Variants in TAMM41 observed in about 807,000 individuals in gnomAD.
TAMM41 encodes phosphatidate cytidylyltransferase, mitochondrial.
In TAMM41, 36 loss-of-function variants were observed where a neutral mutation model predicts 44.1. That is an observed-to-expected ratio of 0.82 (90% CI 0.63 to 1.08). The LOEUF is 1.08. TAMM41 is among the 50% of genes least tolerant of loss of function. TAMM41 has a pLI of 0.00. For missense variants in TAMM41, 417 were observed against 404.3 expected (o/e 1.03, Z -0.27); for synonymous variants, 164 against 153.1 (o/e 1.07, Z -0.53).
chr3:11,744,288 G>A, the TAMM41 span, among the ~76,000 whole-genome samples: 5 of 151,956 alleles, frequency 3.3e-5, no homozygotes, highest in African/African-American at 7.2e-5. Context: ...AGCTGGTCTC[G>A]AACTCCTGAC....
At chr3:11,815,768 G>A (rs911286778) in intron 5 of TAMM41, among the ~76,000 whole-genome samples, 1 of 151,820 alleles carries the variant, frequency 6.6e-6, no homozygotes, top group Non-Finnish European at 1.5e-5. Flanking sequence ...AAAATAAAGT[G>A]TAAGATTGAA....
chr3:11,805,847 T>C (rs2077891880), intron 7 of TAMM41, among the ~76,000 whole-genome samples: 3 of 152,262 alleles, frequency 2.0e-5, no homozygotes, highest in Non-Finnish European at 4.4e-5. Context: ...GCATTTGATA[T>C]GGTTTGGCTC....
chr3:11,763,959 A>C, the TAMM41 span, among the ~76,000 whole-genome samples: 1 of 152,136 alleles, frequency 6.6e-6, no homozygotes, highest in Non-Finnish European at 1.5e-5. Context: ...TTCGCAGGTC[A>C]CTGACTTTTA....
intron 5 of TAMM41, among the ~76,000 whole-genome samples, chr3:11,812,627 A>G (rs1182701725): frequency 2.0e-5 from 3 of 152,142 alleles, no homozygotes; most frequent in Admixed American, 1.3e-4. Context: ...CATCCCATTA[A>G]CTTTAAGTTA....
At chr3:11,826,383 G>A (rs1575680014) in intron 4 of TAMM41, among the ~76,000 whole-genome samples, 2 of 152,058 alleles carry the variant, frequency 1.3e-5, no homozygotes, top group Admixed American at 1.3e-4. Flanking sequence ...AACGAAATTA[G>A]CCAGCCGTGG....
chr3:11,751,278 G>C, the TAMM41 span, among the ~76,000 whole-genome samples: 1 of 151,984 alleles, frequency 6.6e-6, no homozygotes, highest in Non-Finnish European at 1.5e-5. Context: ...TTTCAGTAGA[G>C]ATGGGGTTTC....
chr3:11,775,979 T>G, the TAMM41 span, among the ~76,000 whole-genome samples: 1 of 151,590 alleles, frequency 6.6e-6, no homozygotes, highest in Admixed American at 6.6e-5. Context: ...GGTTGGTAAT[T>G]TTTTTAGAAA....
chr3:11,837,274 A>G (rs992508726), intron 3 of TAMM41, among the ~76,000 whole-genome samples: 1 of 152,126 alleles, frequency 6.6e-6, no homozygotes, highest in Non-Finnish European at 1.5e-5. Flanking sequence ...CCTCTTGTGG[A>G]GCCTGGGACC....
intron 2 of TAMM41, among the ~76,000 whole-genome samples, chr3:11,843,054 GC>G (rs2125068241): frequency 6.6e-6 from 1 of 152,284 alleles, no homozygotes; most frequent in Non-Finnish European, 1.5e-5. Context: ...CTCTCCAACA[GC>G]CCACTGTCAA....
chr3:11,732,167 C>A, the TAMM41 span, among the ~76,000 whole-genome samples: 1 of 152,052 alleles, frequency 6.6e-6, no homozygotes. Flanking sequence ...ACACTTGGCC[C>A]ATTAGGGCAA....
chr3:11,775,338 C>T, the TAMM41 span, among the ~76,000 whole-genome samples: 1 of 152,160 alleles, frequency 6.6e-6, no homozygotes. Flanking sequence ...GCCCTAGTCC[C>T]CCTCTTCCTG....
At chr3:11,747,235 G>C in the TAMM41 span, among the ~76,000 whole-genome samples, 1 of 151,880 alleles carries the variant, frequency 6.6e-6, no homozygotes, top group African/African-American at 2.4e-5. Context: ...GCTAATTTTT[G>C]TATTTTTAGT....
the TAMM41 span, among the ~76,000 whole-genome samples, chr3:11,761,946 CAAAAA>C: frequency 5.3e-5 from 4 of 75,030 alleles, no homozygotes; most frequent in South Asian, 1.3e-3. Flanking sequence ...GACTCTGTCT[CAAAAA>C]AAAAAAAAAA....
Position 11,829,824 on chromosome 3 carries a change from G to A in TAMM41, c.452C>T (p.Ser151Leu). ...ACTCTTCAGATTTCTATCGAGGGCT[G>A]ATCTAAGAGTGACATCCTCGTTCAC... ...ISVNEDVTLR[S>L]ALDRNLKSAV... Residue 151 changes from serine to leucine, a missense_variant, in exon 4 of 8, where the codon TCA becomes TTA. Physicochemically the swap from Ser to Leu is moderately radical, Grantham distance 145. Transcript: ENST00000455809. 6.2e-7 allele frequency: 1 copy of A among 1,614,170 alleles called. No homozygotes were observed. The highest frequency in any genetic ancestry group is 1.7e-4 in the Middle Eastern group (1 of 6,060).
chr3:11,844,889 A>C (rs1559335710), intron 1 of TAMM41: 1 of 456,550 alleles, frequency 2.2e-6, no homozygotes, highest in East Asian at 6.9e-5. Flanking sequence ...AAATGTACTA[A>C]CTGCACTCAG....
At chr3:11,747,104 C>T in the TAMM41 span, among the ~76,000 whole-genome samples, 1 of 152,070 alleles carries the variant, frequency 6.6e-6, no homozygotes, top group Admixed American at 6.6e-5. Context: ...CTTCTGTCAC[C>T]CAGGCTGGAG....
At chr3:11,817,732 T>C (rs1430470774) in intron 4 of TAMM41, among the ~76,000 whole-genome samples, 3 of 152,206 alleles carry the variant, frequency 2.0e-5, no homozygotes, top group Non-Finnish European at 4.4e-5. Context: ...GACTTGTCCT[T>C]GCCATTGCTT....
chr3:11,762,655 G>A, the TAMM41 span, among the ~76,000 whole-genome samples: 2 of 152,176 alleles, frequency 1.3e-5, no homozygotes, highest in Non-Finnish European at 2.9e-5. Context: ...TGCAAGGTAA[G>A]TGAACTCCTG....
chr3:11,782,275 G>A, the TAMM41 span, among the ~76,000 whole-genome samples: 2 of 152,106 alleles, frequency 1.3e-5, no homozygotes, highest in African/African-American at 4.8e-5. Context: ...GCTGGGTGTG[G>A]TGGCTCACAC....
Sources: gnomAD v4.1 joint callset for allele counts (sites outside exome capture counted in the v4.1 genomes callset) on GRCh38, gnomAD v4.1.1 for gene constraint, MANE v1.5 for transcripts, NCBI Gene and HGNC (gene_info 2026-07-23, HGNC 2026-07-21) for gene names.